AUTS2: variants seen among roughly 807,000 people sequenced by gnomAD.
AUTS2 encodes the protein autism susceptibility gene 2 protein.
AUTS2 carries 17 observed loss-of-function variants against 112.4 expected under a neutral mutation model. The ratio of observed to expected loss-of-function variants is 0.15; its 90% confidence interval spans 0.10 to 0.23. The LOEUF (loss-of-function observed/expected upper bound fraction) is 0.23, where lower values mean the gene tolerates loss of function less well. AUTS2 is among the 10% of genes least tolerant of loss of function. AUTS2 has a pLI of 1.00. For missense variants in AUTS2, 1,510 were observed against 1,701.6 expected (o/e 0.89, Z 1.98); for synonymous variants, 751 against 702.7 (o/e 1.07, Z -1.09).
intron 4 of AUTS2, among the ~76,000 whole-genome samples, chr7:70,429,141 G>A (rs1795548834): frequency 6.6e-6 from 1 of 152,130 alleles, no homozygotes; most frequent in African/African-American, 2.4e-5. Context: ...TTTCTCTTTG[G>A]AATCACCTGC....
intron 1 of AUTS2, among the ~76,000 whole-genome samples, chr7:69,892,476 C>A (rs1269789717): frequency 1.3e-5 from 2 of 152,122 alleles, no homozygotes; most frequent in African/African-American, 4.8e-5. Flanking sequence ...ATTCTGTATA[C>A]AAAACTTATC....
At chr7:70,195,210 G>A (rs1489251961) in intron 4 of AUTS2, among the ~76,000 whole-genome samples, 1 of 152,146 alleles carries the variant, frequency 6.6e-6, no homozygotes, top group Non-Finnish European at 1.5e-5. Context: ...TAAGTGCTAA[G>A]GATTAAGAAA....
chr7:69,817,521 A>G (rs959146464), intron 1 of AUTS2, among the ~76,000 whole-genome samples: 19 of 152,164 alleles, frequency 1.2e-4, no homozygotes, highest in Admixed American at 4.6e-4. Context: ...TCAAGACAAA[A>G]TAGATTCCAA....
At chr7:70,518,632 G>A (rs957061564) in intron 5 of AUTS2, among the ~76,000 whole-genome samples, 8 of 151,500 alleles carry the variant, frequency 5.3e-5, no homozygotes, top group East Asian at 2.0e-4. Flanking sequence ...GCAGTGAGCC[G>A]AGATCGCGCC....
chr7:70,540,360 A>G (rs1049323357), intron 5 of AUTS2, among the ~76,000 whole-genome samples: 21 of 152,238 alleles, frequency 1.4e-4, no homozygotes, highest in Admixed American at 4.6e-4. Flanking sequence ...ATGCCTTGTA[A>G]TGGGAACAGC....
chr7:69,803,493 TA>T (rs1278093963), intron 1 of AUTS2, among the ~76,000 whole-genome samples: 1 of 149,000 alleles, frequency 6.7e-6, no homozygotes, highest in East Asian at 2.0e-4. Flanking sequence ...AAACACCAAA[TA>T]AAAGTCCTTG....
chr7:69,762,346 A>C, intron 1 of AUTS2, among the ~76,000 whole-genome samples: 2 of 112,754 alleles, frequency 1.8e-5, no homozygotes, highest in African/African-American at 3.6e-5. Flanking sequence ...TCACCCAGTC[A>C]CCCAGGTTGG....
chr7:69,788,702 C>T (rs1198638195), intron 1 of AUTS2, among the ~76,000 whole-genome samples: 1 of 151,860 alleles, frequency 6.6e-6, no homozygotes, highest in Non-Finnish European at 1.5e-5. Flanking sequence ...TAAAAGTCAG[C>T]CTTCATTACT....
At chr7:69,917,479 A>T (rs567544883) in intron 2 of AUTS2, among the ~76,000 whole-genome samples, 1 of 152,152 alleles carries the variant, frequency 6.6e-6, no homozygotes, top group South Asian at 2.1e-4. Context: ...TACCTCTTAG[A>T]ATAACATCTC....
intron 1 of AUTS2, among the ~76,000 whole-genome samples, chr7:69,682,607 A>G (rs1796851440): frequency 1.3e-5 from 2 of 152,216 alleles, no homozygotes; most frequent in African/African-American, 4.8e-5. Flanking sequence ...ATTGATTTAC[A>G]TATTTGAAAC....
In AUTS2 at chr7:70,017,491, C is replaced by T. The variant is rs532852024; in HGVS notation, c.523-100641C>T. 7.2e-5 allele frequency among the ~76,000 whole-genome samples: 11 copies of T among 152,342 alleles called. No homozygotes were observed. The East Asian group carries it at 1.2e-3, about 16-fold the overall frequency. Reference sequence around the variant, plus strand: ...GCTGCAGGGCAGAGCAGTGCTCCTCCGAGCTTTATGCTGTCATTTCATGAA... The same window carrying T: ...GCTGCAGGGCAGAGCAGTGCTCCTCTGAGCTTTATGCTGTCATTTCATGAA... On this transcript the variant is annotated intron_variant, in intron 2 of 18. Transcript: ENST00000342771.
intron 2 of AUTS2, among the ~76,000 whole-genome samples, chr7:70,111,480 A>G (rs1181670628): frequency 6.6e-6 from 1 of 152,230 alleles, no homozygotes; most frequent in African/African-American, 2.4e-5. Context: ...GTAAACTTAA[A>G]GAGTTATGCA....
At chr7:69,941,925 GA>G (rs1304085906) in intron 2 of AUTS2, among the ~76,000 whole-genome samples, 2 of 152,130 alleles carry the variant, frequency 1.3e-5, no homozygotes, top group African/African-American at 4.8e-5. Context: ...AATTGTTGAA[GA>G]TTTATTGTAC....
intron 1 of AUTS2, among the ~76,000 whole-genome samples, chr7:69,628,303 T>C (rs1794059200): frequency 6.6e-6 from 1 of 152,342 alleles, no homozygotes; most frequent in East Asian, 1.9e-4. Context: ...TTAAATCTTT[T>C]AAATTATATC....
At chr7:70,367,035 A>C (rs898257869) in intron 4 of AUTS2, among the ~76,000 whole-genome samples, 2 of 152,152 alleles carry the variant, frequency 1.3e-5, no homozygotes, top group Non-Finnish European at 2.9e-5. Flanking sequence ...CTGTAATTCC[A>C]GCACTCTGGG....
chr7:70,514,865 T>A (rs1289274593), intron 5 of AUTS2, among the ~76,000 whole-genome samples: 1 of 152,238 alleles, frequency 6.6e-6, no homozygotes, highest in African/African-American at 2.4e-5. Context: ...ACCATCTCAC[T>A]ATTCCGATCA....
chr7:70,426,137 A>C (rs766162523), intron 4 of AUTS2, among the ~76,000 whole-genome samples: 9 of 152,186 alleles, frequency 5.9e-5, no homozygotes, highest in Non-Finnish European at 1.0e-4. Flanking sequence ...TATATGAAGG[A>C]TAACGATGTG....
chr7:70,706,038 G>A (rs1027876683), intron 6 of AUTS2, among the ~76,000 whole-genome samples: 6 of 152,128 alleles, frequency 3.9e-5, no homozygotes, highest in East Asian at 1.9e-4. Flanking sequence ...GCATTTCCTC[G>A]TATACACCAC....
chr7:70,518,893 G>A (rs1387049835), intron 5 of AUTS2, among the ~76,000 whole-genome samples: 2 of 151,834 alleles, frequency 1.3e-5, no homozygotes, highest in Non-Finnish European at 2.9e-5. Flanking sequence ...TAGTAGAGAC[G>A]GGGTTTTACC....
Sources: gnomAD v4.1 joint callset for allele counts (sites outside exome capture counted in the v4.1 genomes callset) on GRCh38, gnomAD v4.1.1 for gene constraint, MANE v1.5 for transcripts, NCBI Gene and HGNC (gene_info 2026-07-23, HGNC 2026-07-21) for gene names.